Variants in GPR137B observed in about 807,000 individuals in gnomAD.
GPR137B encodes the protein G protein-coupled receptor 137B.
A neutral mutation model predicts 42.5 loss-of-function variants in GPR137B; 42 were observed. That is an observed-to-expected ratio of 0.99 (90% CI 0.77 to 1.28). The LOEUF (loss-of-function observed/expected upper bound fraction) is 1.28. Ranked by LOEUF, GPR137B falls within the 50% of genes most tolerant of loss-of-function variation. The pLI, the probability that GPR137B is intolerant of heterozygous loss-of-function variation, is 0.00. For synonymous variants in GPR137B, 218 were observed against 209.7 expected, an observed-to-expected ratio of 1.04 and a Z score of -0.34; for missense variants, 487 against 493.9, an observed-to-expected ratio of 0.99 and a Z score of 0.13.
At chr1:236,149,192 T>A (rs1429309800) in intron 1 of GPR137B, among the ~76,000 whole-genome samples, 1 of 152,106 alleles carries the variant, frequency 6.6e-6, no homozygotes, top group Non-Finnish European at 1.5e-5. Context: ...AACAGCAGCT[T>A]TTCTGTTTGT....
chr1:236,191,214 A>G (rs1663182809), intron 5 of GPR137B, among the ~76,000 whole-genome samples: 1 of 152,022 alleles, frequency 6.6e-6, no homozygotes, highest in African/African-American at 2.4e-5. Flanking sequence ...TCTCCTCTAA[A>G]GTGGTTATTC....
At chr1:236,173,485 A>T (rs747221884) in intron 2 of GPR137B, among the ~76,000 whole-genome samples, 5 of 152,084 alleles carry the variant, frequency 3.3e-5, no homozygotes, top group Admixed American at 1.3e-4. Flanking sequence ...AGATAAATTT[A>T]AACAATGCTT....
At chr1:236,197,965 C>T (rs1416375770) in intron 5 of GPR137B, among the ~76,000 whole-genome samples, 2 of 152,288 alleles carry the variant, frequency 1.3e-5, no homozygotes, top group South Asian at 2.1e-4. Context: ...AAGTGATCCA[C>T]CCGCCTCGGC....
chr1:236,145,381 C>T (rs180709432), intron 1 of GPR137B, among the ~76,000 whole-genome samples: 118 of 152,292 alleles, frequency 7.7e-4, no homozygotes, highest in Non-Finnish European at 1.4e-3. Context: ...AAGGGGCTGA[C>T]AGCTAACAAT....
intron 5 of GPR137B, among the ~76,000 whole-genome samples, chr1:236,199,687 G>A (rs1200852378): frequency 6.6e-6 from 1 of 151,346 alleles, no homozygotes; most frequent in Non-Finnish European, 1.5e-5. Flanking sequence ...TTGTATTTCT[G>A]TGGTATCGGT....
chr1:236,189,530 T>G (rs1421914919), intron 5 of GPR137B, among the ~76,000 whole-genome samples: 1 of 152,186 alleles, frequency 6.6e-6, no homozygotes. Flanking sequence ...TTTTTCTCAT[T>G]GGTTTCAAAG....
intron 5 of GPR137B, among the ~76,000 whole-genome samples, chr1:236,184,769 G>T (rs1359225696): frequency 3.4e-5 from 5 of 148,108 alleles, no homozygotes; most frequent in Non-Finnish European, 7.4e-5. Flanking sequence ...TTTGCTTTTT[G>T]GTTTTTTTTT....
At position 236,183,844 on chromosome 1, in the gene GPR137B, G is replaced by A. The variant is rs745313843; in HGVS notation, c.904G>A (p.Glu302Lys). The A allele has an allele frequency of 1.2e-6, 2 of 1,604,712 alleles. No individual in the cohort carries two copies. Among genetic ancestry groups the A allele is most frequent in the East Asian group, 2.2e-5 (1 of 44,718 alleles). ...ATTTGGAGTGGTGTTATTTGTTTGGGAACTCTTACCTACCACCTTAGTCGT... is the reference window on the plus strand; with the variant it reads ...ATTTGGAGTGGTGTTATTTGTTTGGAAACTCTTACCTACCACCTTAGTCGT... ...VLFGVVLFVW[E>K]LLPTTLVVYF... is the part of the protein sequence containing the mutation. The change falls in exon 5 of 7, where the codon GAA (glutamate) becomes AAA (lysine). Residue 302 changes from glutamate to lysine, a missense_variant. By Grantham distance (56) the Glu-to-Lys change is moderately conservative (BLOSUM62 1). Coordinates refer to ENST00000366592, the MANE Select transcript of GPR137B (RefSeq NM_003272.4).
intron 5 of GPR137B, among the ~76,000 whole-genome samples, chr1:236,203,041 A>G (rs1663541640): frequency 6.6e-6 from 1 of 151,758 alleles, no homozygotes; most frequent in African/African-American, 2.4e-5. Flanking sequence ...TGGGGTCTCT[A>G]TTCTGTTCTA....
At position 236,191,143 on chromosome 1, in the gene GPR137B, C is replaced by T. The variant is rs181760631; in HGVS notation, c.966+7237C>T. 3.2e-3 allele frequency among the ~76,000 whole-genome samples: 481 copies of T among 152,154 alleles called. 13 individuals carry two copies. Among genetic ancestry groups the T allele is most frequent in the Admixed American group, 0.029 (450 of 15,290 alleles). On this transcript the variant is annotated intron_variant, in intron 5 of 6. Coordinates refer to ENST00000366592, the MANE Select transcript of GPR137B (RefSeq NM_003272.4). ...CACTTGATCGATTTGGCTCTTGATA[C>T]TTGTGTATGCTTCACGAAGTTCTTG...
chr1:236,148,253 G>A (rs1286115424), intron 1 of GPR137B, among the ~76,000 whole-genome samples: 1 of 152,270 alleles, frequency 6.6e-6, no homozygotes, highest in African/African-American at 2.4e-5. Context: ...AAGCAAAGGC[G>A]GTAGCTTCTG....
At chr1:236,153,375 T>C (rs1371942998) in intron 1 of GPR137B, among the ~76,000 whole-genome samples, 1 of 152,236 alleles carries the variant, frequency 6.6e-6, no homozygotes, top group East Asian at 1.9e-4. Context: ...AATCATACAA[T>C]GTGTATTCTT....
intron 1 of GPR137B, among the ~76,000 whole-genome samples, chr1:236,147,805 T>G (rs1661723495): frequency 6.6e-6 from 1 of 152,192 alleles, no homozygotes; most frequent in Admixed American, 6.5e-5. Context: ...TGGGGTGAGG[T>G]GCCCTGCTGG....
chr1:236,187,099 A>G (rs932431747), intron 5 of GPR137B, among the ~76,000 whole-genome samples: 5 of 152,204 alleles, frequency 3.3e-5, no homozygotes, highest in African/African-American at 9.7e-5. Flanking sequence ...TCTGATGACC[A>G]GTGATGAGCA....
intron 2 of GPR137B, 43 bp from the exon 3 acceptor site, chr1:236,178,371 G>C: frequency 8.6e-7 from 1 of 1,163,222 alleles, no homozygotes; most frequent in East Asian, 2.3e-5. Flanking sequence ...CTTCTAGACT[G>C]ACCTGGGATG....
chr1:236,146,004 C>T (rs1661671921), intron 1 of GPR137B, among the ~76,000 whole-genome samples: 1 of 152,130 alleles, frequency 6.6e-6, no homozygotes, highest in Admixed American at 6.6e-5. Flanking sequence ...ATTACAGGCA[C>T]CTGCCACTGC....
chr1:236,168,918 C>T (rs577244069), intron 2 of GPR137B, among the ~76,000 whole-genome samples, 163 bp downstream of exon 2: 10 of 152,262 alleles, frequency 6.6e-5, no homozygotes, highest in Middle Eastern at 3.4e-3. Flanking sequence ...TGTGCATTGC[C>T]GGTAAGGGTC....
At chr1:236,157,264 G>C (rs955588348) in intron 1 of GPR137B, among the ~76,000 whole-genome samples, 2 of 146,460 alleles carry the variant, frequency 1.4e-5, no homozygotes, top group Non-Finnish European at 3.0e-5. Flanking sequence ...CCGCTCAGTC[G>C]CCCAGGCTGG....
intron 1 of GPR137B, among the ~76,000 whole-genome samples, chr1:236,166,184 G>A (rs1366695720): frequency 1.3e-5 from 2 of 152,190 alleles, no homozygotes; most frequent in African/African-American, 2.4e-5. Context: ...CCTCAGGACT[G>A]TTTAACAGAA....
Sources: allele counts gnomAD v4.1 joint callset (sites outside exome capture counted in the v4.1 genomes callset), GRCh38; gene constraint gnomAD v4.1.1; transcripts MANE v1.5; gene names NCBI Gene and HGNC (gene_info 2026-07-23, HGNC 2026-07-21).